The following ZPBP variants were observed in gnomAD, a reference collection of about 807,000 sequenced individuals.
ZPBP encodes the protein zona pellucida binding protein.
In ZPBP, 26 loss-of-function variants were observed where a neutral mutation model predicts 44.8. The ratio of observed to expected loss-of-function variants is 0.58; its 90% CI spans 0.43 to 0.81. The LOEUF (loss-of-function observed/expected upper bound fraction) is 0.81, where lower values mean the gene tolerates loss of function less well. Ranked by LOEUF, ZPBP falls within the 30% of genes least tolerant of loss-of-function variation. The probability of loss-of-function intolerance (pLI) is 0.00; values close to 1 mark genes in which losing one functional copy is unlikely to be tolerated. For synonymous variants in ZPBP, 174 were observed against 153.2 expected (o/e 1.14, Z -1.00); for missense variants, 409 against 434.0 (o/e 0.94, Z 0.51).
At position 49,877,509 on chromosome 7, in the gene ZPBP, T is replaced by C. The variant is rs1467217537; in HGVS notation, n.509+23609A>G. Among the ~76,000 whole-genome samples, 245 of 97,058 alleles carry C rather than the reference T, an allele frequency of 2.5e-3. 28 individuals are homozygous for C. The highest frequency in any genetic ancestry group is 4.8e-3 in the Middle Eastern group (1 of 210). 63.7% of individuals were successfully genotyped at this position (97,058 alleles called of 152,430 possible). On this transcript the variant is annotated intron_variant and non_coding_transcript_variant, in intron 2 of 2. Transcript: ENST00000465922. ...ATATATATATATATATATATATATA[T>C]ATATATATAGTTATTTGGTCACTTG... is the stretch of plus-strand genomic sequence containing the variant.
intron 3 of ZPBP, among the ~76,000 whole-genome samples, chr7:50,071,467 A>C (rs1328290654): frequency 6.6e-6 from 1 of 152,186 alleles, no homozygotes; most frequent in Non-Finnish European, 1.5e-5. Context: ...GGTGAGTCCT[A>C]GTGCTGAACT....
intron 4 of ZPBP, among the ~76,000 whole-genome samples, chr7:50,051,047 G>T (rs1353054279): frequency 6.6e-6 from 1 of 151,812 alleles, no homozygotes; most frequent in African/African-American, 2.4e-5. Flanking sequence ...TCTGACAAAG[G>T]TGTAATATTC....
chr7:49,955,891 C>T (rs1466050186), intron 7 of ZPBP, among the ~76,000 whole-genome samples: 3 of 152,106 alleles, frequency 2.0e-5, no homozygotes, highest in Non-Finnish European at 4.4e-5. Flanking sequence ...AATAGACAAA[C>T]TCTTGAGGAT....
intron 7 of ZPBP, among the ~76,000 whole-genome samples, chr7:49,946,397 A>G (rs1005462971): frequency 6.6e-6 from 1 of 152,072 alleles, no homozygotes; most frequent in Non-Finnish European, 1.5e-5. Flanking sequence ...GAAATCCCTC[A>G]GCTTTTGTTT....
intron 1 of ZPBP, among the ~76,000 whole-genome samples, chr7:49,906,042 G>A (rs981874598): frequency 6.6e-6 from 1 of 152,182 alleles, no homozygotes; most frequent in Non-Finnish European, 1.5e-5. Flanking sequence ...TTGACTCCCT[G>A]TTTAGCATAT....
chr7:50,059,134 A>G (rs955993557), intron 3 of ZPBP, among the ~76,000 whole-genome samples: 5 of 152,222 alleles, frequency 3.3e-5, no homozygotes, highest in Admixed American at 6.5e-5. Flanking sequence ...CTGATATTCC[A>G]TTCATTAGAA....
At chr7:50,040,463 C>G (rs1276834182) in intron 4 of ZPBP, among the ~76,000 whole-genome samples, 1 of 152,138 alleles carries the variant, frequency 6.6e-6, no homozygotes, top group African/African-American at 2.4e-5. Context: ...AACTGAGGTA[C>G]CTGGTTCATC....
chr7:49,924,832 G>T (rs149399455), intron 1 of ZPBP, among the ~76,000 whole-genome samples: 1 of 152,128 alleles, frequency 6.6e-6, no homozygotes, highest in Non-Finnish European at 1.5e-5. Flanking sequence ...AGGACTTCAG[G>T]ATTTGAGGAA....
intron 2 of ZPBP, among the ~76,000 whole-genome samples, chr7:49,894,094 A>G (rs1792262095): frequency 6.6e-6 from 1 of 151,894 alleles, no homozygotes; most frequent in Non-Finnish European, 1.5e-5. Flanking sequence ...TGTCGTTTCT[A>G]GGCTTTTTCT....
chr7:49,892,961 AG>A (rs1176877274), intron 2 of ZPBP, among the ~76,000 whole-genome samples: 5 of 148,398 alleles, frequency 3.4e-5, no homozygotes, highest in Non-Finnish European at 6.0e-5. Context: ...TCCTCACTTA[AG>A]TTGTTTAATG....
chr7:50,034,252 T>C (rs1348650369), intron 4 of ZPBP, among the ~76,000 whole-genome samples: 2 of 152,030 alleles, frequency 1.3e-5, no homozygotes, highest in Non-Finnish European at 2.9e-5. Context: ...ACTATGACTC[T>C]GCAGACTAAA....
chr7:50,011,990 C>A (rs377482868), intron 6 of ZPBP, among the ~76,000 whole-genome samples: 1 of 149,286 alleles, frequency 6.7e-6, no homozygotes, highest in South Asian at 2.1e-4. Flanking sequence ...AAGACTGCAC[C>A]ACTGCACTCC....
chr7:49,973,392 A>G (rs1247345838), intron 7 of ZPBP, among the ~76,000 whole-genome samples: 2 of 152,066 alleles, frequency 1.3e-5, no homozygotes, highest in African/African-American at 4.8e-5. Context: ...TTATCAAGAC[A>G]GTAAAAATAC....
chr7:49,866,019 C>CT lies in ZPBP; in HGVS notation n.510-15506dup, dbSNP rs200004178. Among the ~76,000 whole-genome samples the CT allele has an allele frequency of 4.1e-3, 618 of 152,208 alleles. 2 individuals carry two copies. The highest frequency in any genetic ancestry group is 0.014 in the African/African-American group (586 of 41,542). ...CCATACCTTGCTTTTATCATTTTTT[C>CT]TTTTTTTAAATTTTCTTCCTTCCTT... On this transcript the variant is annotated intron_variant and non_coding_transcript_variant, in intron 2 of 2. Transcript: ENST00000465922.
rs568054309 is a variant in ZPBP at position 50,058,261 on chromosome 7, G to T, written c.335-120C>A. 120 of 1,019,506 alleles carry T rather than the reference G, an allele frequency of 1.2e-4. 3 individuals carry two copies. The South Asian group carries it at 1.5e-3, about 12-fold the overall frequency. The allele number at this position is 1,019,506 out of a possible 1,614,324, so 63.2% of individuals were successfully genotyped here. On this transcript the variant is annotated intron_variant, in intron 3 of 7. Transcript: ENST00000046087. ...ACACAGTCAATGAAAGGAGTGGGGG[G>T]CATAGCTAGGACATTACATCTGGTA... is the stretch of plus-strand genomic sequence containing the variant.
intron 4 of ZPBP, among the ~76,000 whole-genome samples, chr7:50,035,515 G>A (rs1486462320): frequency 4.6e-5 from 7 of 152,140 alleles, no homozygotes; most frequent in African/African-American, 1.7e-4. Flanking sequence ...GGGACTCCCA[G>A]AGTTTCACAG....
rs565888516 is a variant in ZPBP, at chr7:50,091,590, G to C, written c.127+1478C>G. Among the ~76,000 whole-genome samples, 20 of 152,264 alleles carry C rather than the reference G, an allele frequency of 1.3e-4. No homozygotes were observed. The South Asian group carries it at 4.1e-3, about 32-fold the overall frequency. ...GACATCGGCTTATACTATAGTTCTT[G>C]ATACACACATACCATTTTCCTTATT... On this transcript the variant is annotated intron_variant, in intron 1 of 7. Transcript: ENST00000046087.
chr7:49,882,332 T>C (rs530648339), intron 2 of ZPBP, among the ~76,000 whole-genome samples: 67 of 152,218 alleles, frequency 4.4e-4, no homozygotes, highest in African/African-American at 1.3e-3. Flanking sequence ...CACATGGCAA[T>C]AAAAAGCAAA....
At chr7:49,983,226 A>T in intron 7 of ZPBP, 116 bp downstream of exon 7, 1 of 929,652 alleles carries the variant, frequency 1.1e-6, no homozygotes, top group Non-Finnish European at 1.6e-6. Context: ...CTTTAAATAA[A>T]CTATGAAAAA....
Sources: allele counts gnomAD v4.1 joint callset (sites outside exome capture counted in the v4.1 genomes callset), GRCh38; gene constraint gnomAD v4.1.1; transcripts MANE v1.5; gene names NCBI Gene and HGNC (gene_info 2026-07-23, HGNC 2026-07-21).